The following ARHGAP23 variants were observed in gnomAD, a reference collection of about 807,000 sequenced individuals.
ARHGAP23 encodes the protein Rho GTPase activating protein 23.
Under a neutral mutation model 136.3 loss-of-function variants are expected in ARHGAP23, and 34 were observed. The observed-to-expected ratio is 0.25, with a 90% confidence interval of 0.19 to 0.33. The LOEUF (loss-of-function observed/expected upper bound fraction) is 0.33. Ranked by LOEUF, ARHGAP23 falls within the 10% of genes least tolerant of loss-of-function variation. The pLI is 1.00. For synonymous variants in ARHGAP23, 832 were observed against 920.5 expected (o/e 0.90, Z 1.74); for missense variants, 1,808 against 2,139.0 (o/e 0.85, Z 3.05).
intron 1 of ARHGAP23, among the ~76,000 whole-genome samples, chr17:38,430,608 G>A (rs1270635232): frequency 6.6e-6 from 1 of 152,190 alleles, no homozygotes; most frequent in Admixed American, 6.5e-5. Context: ...CAAAGCAGCA[G>A]CATGGAAGAA....
chr17:38,452,630 TGAG>T (rs1301294207), intron 1 of ARHGAP23, among the ~76,000 whole-genome samples: 2 of 152,158 alleles, frequency 1.3e-5, no homozygotes, highest in African/African-American at 4.8e-5. Context: ...TCTCTACAAA[TGAG>T]GCCATAGAAA....
chr17:38,509,202 T>C (rs2040700749), intron 23 of ARHGAP23, among the ~76,000 whole-genome samples: 1 of 151,894 alleles, frequency 6.6e-6, no homozygotes, highest in African/African-American at 2.4e-5. Flanking sequence ...GGTGTAGCAG[T>C]GAGGGCTGGT....
chr17:38,479,553 G>A, intron 13 of ARHGAP23, 56 bp downstream of exon 13: 1 of 1,523,020 alleles, frequency 6.6e-7, no homozygotes, highest in African/African-American at 1.4e-5. Flanking sequence ...GGGGGCTGAA[G>A]GCAAAGGATG....
At chr17:38,421,820 C>G (rs1357986657) in intron 1 of ARHGAP23, among the ~76,000 whole-genome samples, 1 of 152,232 alleles carries the variant, frequency 6.6e-6, no homozygotes, top group Non-Finnish European at 1.5e-5. Flanking sequence ...ATTTCCAGAG[C>G]TTCGACGGGG....
At position 38,479,500 on chromosome 17, in the gene ARHGAP23, G is replaced by T; in HGVS notation, c.2498+3G>T. 6.5e-7 allele frequency: 1 copy of T among 1,548,330 alleles called. No homozygotes were observed. Among genetic ancestry groups the T allele is most frequent in the Non-Finnish European group, 8.7e-7 (1 of 1,145,644 alleles). ...CTTAACGATTATCGCAAAGTGAGGTGAGGCCCAGCCCTCGTGGAGCAGTCT... is the reference window on the plus strand; with the variant it reads ...CTTAACGATTATCGCAAAGTGAGGTTAGGCCCAGCCCTCGTGGAGCAGTCT... On this transcript the variant is annotated splice_donor_region_variant and intron_variant, in intron 13 of 23. Transcript: ENST00000622683.
rs1471018000 is a variant in ARHGAP23, at chr17:38,462,296, C to G, written c.254-550C>G. ...TGAGACAGTGTCTTACTTTGTCACCCAGGCTGGAGTGCAGTGGCACAATCC... is the reference window on the plus strand; with the variant it reads ...TGAGACAGTGTCTTACTTTGTCACCGAGGCTGGAGTGCAGTGGCACAATCC... On this transcript the variant is annotated intron_variant, in intron 3 of 23. Coordinates refer to ENST00000622683, the MANE Select transcript of ARHGAP23 (RefSeq NM_001199417.2). Among the ~76,000 whole-genome samples, 4 of 132,052 alleles carry G rather than the reference C, an allele frequency of 3.0e-5. No individual in the cohort carries two copies. The East Asian group carries it at 7.4e-4, about 24-fold the overall frequency. 86.6% of individuals were successfully genotyped at this position (132,052 alleles called of 152,430 possible).
intron 15 of ARHGAP23, 131 bp downstream of exon 15, chr17:38,482,274 A>T (rs2040062488): frequency 6.9e-7 from 1 of 1,457,914 alleles, no homozygotes; most frequent in Admixed American, 2.8e-5. Context: ...CAGCCCAGAG[A>T]GGGGAAGGCC....
intron 1 of ARHGAP23, among the ~76,000 whole-genome samples, chr17:38,446,217 G>A (rs1385083117): frequency 9.6e-6 from 1 of 104,488 alleles, no homozygotes; most frequent in Non-Finnish European, 1.9e-5. Flanking sequence ...TAGAGATGTT[G>A]TTTCACCATG....
chr17:38,424,252 G>A (rs962154218), upstream of ARHGAP23, among the ~76,000 whole-genome samples: 13 of 151,944 alleles, frequency 8.6e-5, no homozygotes, highest in Non-Finnish European at 1.6e-4. Context: ...CGTCCCCTCC[G>A]GCTGTCTCTC....
At chr17:38,441,430 TC>T (rs1375692785) in intron 1 of ARHGAP23, among the ~76,000 whole-genome samples, 1 of 150,544 alleles carries the variant, frequency 6.6e-6, no homozygotes, top group Non-Finnish European at 1.5e-5. Flanking sequence ...CCCCTTCCCC[TC>T]CTCCCTTAAC....
At chr17:38,484,100 C>G (rs1349035921) in intron 16 of ARHGAP23, among the ~76,000 whole-genome samples, 1 of 152,140 alleles carries the variant, frequency 6.6e-6, no homozygotes. Flanking sequence ...CTGCTCATGT[C>G]CATTGGATAC....
intron 15 of ARHGAP23, 79 bp from the exon 16 acceptor site, chr17:38,482,444 G>A (rs1356622885): frequency 7.5e-7 from 1 of 1,325,010 alleles, no homozygotes; most frequent in Non-Finnish European, 1.0e-6. Flanking sequence ...GCAGCTCTGG[G>A]CCTTGCATTG....
chr17:38,504,377 G>C (rs1294802483), intron 23 of ARHGAP23, among the ~76,000 whole-genome samples: 1 of 152,210 alleles, frequency 6.6e-6, no homozygotes, highest in Non-Finnish European at 1.5e-5. Context: ...AGGGAAGCAG[G>C]AGGCACCAGG....
upstream of ARHGAP23, chr17:38,428,411 C>T: frequency 1.3e-6 from 1 of 785,760 alleles, no homozygotes; most frequent in Non-Finnish European, 1.7e-6. Context: ...CGGCCCCGCC[C>T]CCGGCCCCGC....
intron 12 of ARHGAP23, among the ~76,000 whole-genome samples, chr17:38,478,181 C>G (rs2039943619): frequency 6.6e-6 from 1 of 152,188 alleles, no homozygotes; most frequent in Non-Finnish European, 1.5e-5. Context: ...CTTGAGCAGG[C>G]TCCGGTGTGG....
In ARHGAP23 at chr17:38,449,224, C is replaced by T. The variant is rs574323675; in HGVS notation, c.64-8878C>T. Among the ~76,000 whole-genome samples the T allele has an allele frequency of 4.6e-5, 7 of 152,326 alleles. No homozygotes were observed. In the South Asian group the frequency reaches 1.0e-3, roughly 23 times the overall value. On this transcript the variant is annotated intron_variant, in intron 1 of 23. Coordinates refer to ENST00000622683, the MANE Select transcript of ARHGAP23 (RefSeq NM_001199417.2). ...TTCCTCATCTCCCTTCCCAGGCTTC[C>T]GTGGCTCTGGCCTAGTTTGAGGGAG...
intron 11 of ARHGAP23, among the ~76,000 whole-genome samples, chr17:38,472,330 C>G (rs1219373529): frequency 6.6e-6 from 1 of 152,126 alleles, no homozygotes; most frequent in East Asian, 1.9e-4. Context: ...AAACAAGGAG[C>G]AAGGCCGGGG....
intron 10 of ARHGAP23, 37 bp downstream of exon 10, chr17:38,469,941 A>G: frequency 6.5e-7 from 1 of 1,550,346 alleles, no homozygotes; most frequent in African/African-American, 1.4e-5. Context: ...CGCAGGAGCG[A>G]GGGTGTGGGG....
intron 23 of ARHGAP23, among the ~76,000 whole-genome samples, chr17:38,507,952 C>T (rs1023415164): frequency 1.3e-5 from 2 of 152,368 alleles, no homozygotes; most frequent in South Asian, 2.1e-4. Context: ...GAAAGGGCAG[C>T]GTGACCTTGT....
Sources: gnomAD v4.1 joint callset for allele counts (sites outside exome capture counted in the v4.1 genomes callset) on GRCh38, gnomAD v4.1.1 for gene constraint, MANE v1.5 for transcripts, NCBI Gene and HGNC (gene_info 2026-07-23, HGNC 2026-07-21) for gene names.